The following NTAN1 variants were observed in gnomAD, a reference collection of about 807,000 sequenced individuals.
The protein encoded by NTAN1 is protein N-terminal asparagine amidohydrolase.
NTAN1 carries 32 observed loss-of-function variants against 41.9 expected under a neutral mutation model. The observed-to-expected ratio is 0.76, with a 90% CI of 0.58 to 1.03. The LOEUF is 1.03. Among genes scored for constraint, NTAN1 ranks in the 50% least tolerant of loss-of-function variants. The pLI is 0.00. For missense variants in NTAN1, 377 were observed against 377.5 expected, an observed-to-expected ratio of 1.00 and a Z score of 0.01; for synonymous variants, 140 against 139.5, an observed-to-expected ratio of 1.00 and a Z score of -0.03.
At chr16:15,038,714 A>G (rs778357830) in intron 8 of NTAN1, 27 bp from the exon 9 acceptor site, 10 of 1,288,556 alleles carry the variant, frequency 7.8e-6, no homozygotes, top group African/African-American at 4.4e-5. Flanking sequence ...CAAGGATAGA[A>G]TTTCAGGAAT....
chr16:15,041,751 C>CGACAGGGAGG (rs1324070981), intron 5 of NTAN1, 75 bp from the exon 6 acceptor site: 1 of 1,079,006 alleles, frequency 9.3e-7, no homozygotes, highest in Non-Finnish European at 1.4e-6. Context: ...AGCAAGCCAA[C>CGACAGGGAGG]GACAGGGAGG....
rs2043727370 is a variant in NTAN1 at position 15,039,817 on chromosome 16, G to A, written c.639+152C>T. On this transcript the variant is annotated intron_variant, in intron 8 of 9. Coordinates refer to ENST00000287706, the MANE Select transcript of NTAN1 (RefSeq NM_173474.4). ...ATTACTATTTTGAGACAGCAAGTGT[G>A]GGGAGGGGTATATGTATGTGCTGGT... 20 of 596,794 alleles carry A rather than the reference G, an allele frequency of 3.4e-5. No homozygotes were observed. In the South Asian group the frequency reaches 4.2e-4, roughly 12 times the overall value. 37.0% of individuals were successfully genotyped at this position (596,794 alleles called of 1,614,324 possible).
intron 1 of NTAN1, among the ~76,000 whole-genome samples, chr16:15,049,896 G>A (rs185109434): frequency 6.6e-6 from 1 of 152,290 alleles, no homozygotes; most frequent in East Asian, 1.9e-4. Flanking sequence ...TATAAAAAAT[G>A]TTTTAAAGAG....
intron 1 of NTAN1, among the ~76,000 whole-genome samples, chr16:15,053,373 G>A (rs2044370145): frequency 6.6e-6 from 1 of 152,170 alleles, no homozygotes; most frequent in Non-Finnish European, 1.5e-5. Flanking sequence ...TTATTTGCTA[G>A]TCATAGCTAC....
chr16:15,038,100 T>C lies in NTAN1; in HGVS notation c.864A>G (p.Gly288=). The C allele has an allele frequency of 4.3e-6, 7 of 1,612,994 alleles. No homozygotes were observed. The highest frequency in any genetic ancestry group is 5.9e-6 in the Non-Finnish European group (7 of 1,179,014). ...TTTTTTTGTAGAGTAGGGCTTTATT[T>C]CCAGAAAACAGTGTGTGAGCTGGAG... ...HPSPAHTLFS[G]NKALLYKKNE... The change falls in exon 10 of 10, where the codon GGA becomes GGG. Residue 288 remains glycine, a synonymous_variant. Coordinates refer to ENST00000287706, the MANE Select transcript of NTAN1 (RefSeq NM_173474.4).
chr16:15,053,100 G>GT (rs35983792), intron 1 of NTAN1, among the ~76,000 whole-genome samples: 46,238 of 152,040 alleles, frequency 0.3, 7,526 homozygotes, highest in Admixed American at 0.45. Context: ...GAGGAACTGA[G>GT]TTTCAATTTT....
Position 15,037,908 on chromosome 16 carries a change from A to T in NTAN1, c.*123T>A, listed in dbSNP as rs1567748129. The T allele has an allele frequency of 3.3e-6, 2 of 605,818 alleles. No homozygotes were observed. The highest frequency in any genetic ancestry group is 2.9e-6 in the Non-Finnish European group (1 of 343,526). The allele number at this position is 605,818 out of a possible 1,614,324, so 37.5% of individuals were successfully genotyped here. ...AAGTCATTTGATGAAAGTCATTTGA[A>T]AGACACTGAGGAGGGAAGGAGGCCT... On this transcript the variant is annotated 3_prime_UTR_variant, in exon 10 of 10. Coordinates refer to ENST00000287706, the MANE Select transcript of NTAN1 (RefSeq NM_173474.4).
intron 1 of NTAN1, among the ~76,000 whole-genome samples, chr16:15,053,020 G>C (rs993033109): frequency 1.3e-5 from 2 of 152,144 alleles, no homozygotes; most frequent in South Asian, 4.1e-4. Context: ...GATGGCCACC[G>C]TCTATATTCA....
intron 5 of NTAN1, among the ~76,000 whole-genome samples, chr16:15,042,557 T>G (rs1190963492): frequency 6.6e-6 from 1 of 152,174 alleles, no homozygotes; most frequent in Non-Finnish European, 1.5e-5. Flanking sequence ...CTTTCATGTG[T>G]TATTTTTTAG....
In NTAN1 at chr16:15,040,249, T is replaced by G. The variant is rs1228719133; in HGVS notation, c.542-183A>C. On this transcript the variant is annotated intron_variant, in intron 7 of 9. Transcript: ENST00000287706. ...GCAACCTTTACCCCAAGCATCTCGG[T>G]GAAAATCGCTGAGGCTCGAGCTGGA... is the stretch of plus-strand genomic sequence containing the variant. The G allele has an allele frequency of 2.1e-5, 9 of 434,252 alleles. No homozygotes were observed. The Admixed American group carries it at 3.4e-4, about 16-fold the overall frequency. 26.9% of individuals were successfully genotyped at this position (434,252 alleles called of 1,614,324 possible).
At chr16:15,044,290 T>C (rs1306803523) in intron 5 of NTAN1, 44 bp downstream of exon 5, 2 of 1,362,396 alleles carry the variant, frequency 1.5e-6, no homozygotes, top group Admixed American at 3.4e-5. Context: ...TATGGGTACA[T>C]ATTTATGTCC....
chr16:15,046,516 T>A (rs927241668), intron 4 of NTAN1, among the ~76,000 whole-genome samples: 2 of 152,002 alleles, frequency 1.3e-5, no homozygotes, highest in African/African-American at 4.8e-5. Context: ...GCTACTTTAC[T>A]GCAGTGAGAG....
At position 15,038,228 on chromosome 16, in the gene NTAN1, TG is replaced by T. The variant is rs749257304; in HGVS notation, c.754-19del. The T allele has an allele frequency of 5.0e-6, 8 of 1,607,190 alleles. No individual in the cohort carries two copies. The highest frequency in any genetic ancestry group is 6.8e-6 in the Non-Finnish European group (8 of 1,175,728). On this transcript the variant is annotated intron_variant, in intron 9 of 9. Coordinates refer to ENST00000287706, the MANE Select transcript of NTAN1 (RefSeq NM_173474.4). The stretch of plus-strand genomic sequence containing the variant: ...GAAAGATTCTGAAAACACAAGATGG[TG>T]GGCATTAGAGAAGCCAACCTTACTG...
chr16:15,049,948 C>A, intron 1 of NTAN1, among the ~76,000 whole-genome samples: 1 of 152,160 alleles, frequency 6.6e-6, no homozygotes, highest in Non-Finnish European at 1.5e-5. Context: ...AATGCTTATA[C>A]CCATAGAGAA....
chr16:15,047,674 G>A (rs1219894320), intron 3 of NTAN1, 124 bp from the exon 4 acceptor site: 1 of 919,978 alleles, frequency 1.1e-6, no homozygotes, highest in East Asian at 2.4e-5. Context: ...AAAACGGACA[G>A]GTCTGTGCTC....
intron 1 of NTAN1, among the ~76,000 whole-genome samples, chr16:15,049,301 T>G (rs1259283084): frequency 6.6e-6 from 1 of 152,242 alleles, no homozygotes; most frequent in Non-Finnish European, 1.5e-5. Flanking sequence ...AGTGCTGGGA[T>G]TACATGCATA....
At chr16:15,053,107 T>C (rs2151731870) in intron 1 of NTAN1, among the ~76,000 whole-genome samples, 2 of 152,278 alleles carry the variant, frequency 1.3e-5, no homozygotes, top group East Asian at 3.9e-4. Flanking sequence ...TGAGTTTCAA[T>C]TTTATCTAAT....
At chr16:15,040,991 G>T in intron 7 of NTAN1, 77 bp downstream of exon 7, 1 of 965,532 alleles carries the variant, frequency 1.0e-6, no homozygotes, top group Non-Finnish European at 1.7e-6. Flanking sequence ...CAGCAGTGGG[G>T]TCATTGGTTT....
intron 1 of NTAN1, among the ~76,000 whole-genome samples, chr16:15,050,964 A>C (rs2044269568): frequency 6.6e-6 from 1 of 152,210 alleles, no homozygotes; most frequent in African/African-American, 2.4e-5. Context: ...GTCAGTGAGA[A>C]ACAGGTGTGA....
Sources: allele counts gnomAD v4.1 joint callset (sites outside exome capture counted in the v4.1 genomes callset), GRCh38; gene constraint gnomAD v4.1.1; transcripts MANE v1.5; gene names NCBI Gene and HGNC (gene_info 2026-07-23, HGNC 2026-07-21).